GPRC5B: variants seen among roughly 807,000 people sequenced by gnomAD.
The protein encoded by GPRC5B is G protein-coupled receptor family C group 5 member B.
In GPRC5B, 16 loss-of-function variants were observed where a neutral mutation model predicts 30.1. That is an observed-to-expected ratio of 0.53 (90% CI 0.36 to 0.81). GPRC5B has a LOEUF of 0.81. GPRC5B is among the 30% of genes least tolerant of loss of function. The pLI is 0.01. For missense variants in GPRC5B, 428 were observed against 544.7 expected (o/e 0.79, Z 2.13); for synonymous variants, 241 against 239.5 (o/e 1.01, Z -0.06).
chr16:19,863,491 C>CTTTTT (rs10541805), intron 2 of GPRC5B, among the ~76,000 whole-genome samples: 11 of 82,274 alleles, frequency 1.3e-4, no homozygotes, highest in African/African-American at 5.0e-4. Context: ...AATCTGTGTT[C>CTTTTT]TTTTTTTTTT....
intron 2 of GPRC5B, among the ~76,000 whole-genome samples, chr16:19,871,294 A>AG (rs2056716569): frequency 6.7e-6 from 1 of 149,910 alleles, no homozygotes; most frequent in African/African-American, 2.5e-5. Context: ...AAAAAAAAAA[A>AG]AAAAAAGAAA....
chr16:19,870,436 T>C (rs1597627795), intron 2 of GPRC5B, among the ~76,000 whole-genome samples: 1 of 152,186 alleles, frequency 6.6e-6, no homozygotes, highest in African/African-American at 2.4e-5. Context: ...GTGTTCCTTC[T>C]CCTAACAGCT....
Position 19,884,743 on chromosome 16 carries a change from G to T in GPRC5B, c.-18C>A, listed in dbSNP as rs1281040612. 6.1e-6 allele frequency: 6 copies of T among 984,774 alleles called. No homozygotes were observed. The highest frequency in any genetic ancestry group is 7.2e-6 in the Non-Finnish European group (6 of 829,734). 61.0% of individuals were successfully genotyped at this position (984,774 alleles called of 1,614,324 possible). On this transcript the variant is annotated 5_prime_UTR_variant, in exon 1 of 4. Coordinates refer to ENST00000300571, the MANE Select transcript of GPRC5B (RefSeq NM_016235.3). ...CGCACTTACCGACCCCCGCGGCCCC[G>T]CAGCGCCGACGCTCCAGCTGGCCTT...
chr16:19,863,157 C>T (rs1004669648), intron 2 of GPRC5B, among the ~76,000 whole-genome samples: 6 of 150,554 alleles, frequency 4.0e-5, no homozygotes, highest in Admixed American at 4.0e-4. Flanking sequence ...TTTCATCGCA[C>T]GATAGCTACT....
rs1015175845 is a variant in GPRC5B at position 19,859,918 on chromosome 16, G to A, written c.*582C>T. ...TCCCTCCACCTCTACTGGCTATAAA[G>A]CTCACCCCACGATTCAGTTGGGCCT... On this transcript the variant is annotated 3_prime_UTR_variant, in exon 4 of 4. Coordinates refer to ENST00000300571, the MANE Select transcript of GPRC5B (RefSeq NM_016235.3). 1 of 153,088 alleles carries A rather than the reference G, an allele frequency of 6.5e-6. No homozygotes were observed. The highest frequency in any genetic ancestry group is 1.5e-5 in the Non-Finnish European group (1 of 68,424). 9.5% of individuals were successfully genotyped at this position (153,088 alleles called of 1,614,324 possible).
Position 19,872,991 on chromosome 16 carries a change from G to T in GPRC5B, c.-1-145C>A. On this transcript the variant is annotated intron_variant, in intron 1 of 3. Transcript: ENST00000300571. The surrounding 1 kb of genome is among the most constrained non-coding windows in gnomAD (Gnocchi z 5.0). Reference sequence around the variant, plus strand: ...CACCTTTGCACACATAGGAAAACGTGCTCCTTTCCTCAGGCACGGAGGTTT... The same window carrying T: ...CACCTTTGCACACATAGGAAAACGTTCTCCTTTCCTCAGGCACGGAGGTTT... 1 of 632,982 alleles carries T rather than the reference G, an allele frequency of 1.6e-6. No individual in the cohort carries two copies. The highest frequency in any genetic ancestry group is 2.8e-6 in the Non-Finnish European group (1 of 363,512). 39.2% of individuals were successfully genotyped at this position (632,982 alleles called of 1,614,324 possible).
At chr16:19,871,730 C>T (rs1055742128) in intron 2 of GPRC5B, 86 bp downstream of exon 2, 37 of 1,231,432 alleles carry the variant, frequency 3.0e-5, no homozygotes, top group South Asian at 5.4e-5. Flanking sequence ...GTACTGGGAC[C>T]GCCCATCCCC....
intron 2 of GPRC5B, among the ~76,000 whole-genome samples, chr16:19,867,100 G>T (rs893948864): frequency 2.6e-5 from 4 of 152,190 alleles, no homozygotes; most frequent in African/African-American, 9.7e-5. Flanking sequence ...ACATCCCCGG[G>T]CTCAGTTTTC....
chr16:19,864,867 C>T (rs1243862951), intron 2 of GPRC5B, among the ~76,000 whole-genome samples: 1 of 149,964 alleles, frequency 6.7e-6, no homozygotes, highest in Non-Finnish European at 1.5e-5. Flanking sequence ...GCCATCTAGC[C>T]AGGACTCCAA....
intron 2 of GPRC5B, among the ~76,000 whole-genome samples, chr16:19,867,260 C>T (rs534711693): frequency 2.6e-5 from 4 of 152,332 alleles, no homozygotes; most frequent in African/African-American, 9.6e-5. Context: ...CTGGAGCTAT[C>T]CCGCCTGGGT....
At chr16:19,884,982 C>G, upstream of GPRC5B, 3 of 687,562 alleles carry the variant, frequency 4.4e-6, no homozygotes, top group Non-Finnish European at 5.4e-6. Flanking sequence ...CCGGTCCCGC[C>G]GGCGGTTCCG....
upstream of GPRC5B, chr16:19,884,875 G>GCGC (rs2056838640): frequency 4.1e-6 from 4 of 980,774 alleles, no homozygotes; most frequent in South Asian, 1.9e-4. Context: ...GCCGCGCGAG[G>GCGC]CGCCCCCTGG....
chr16:19,875,119 G>A (rs924017342), intron 1 of GPRC5B, among the ~76,000 whole-genome samples: 1 of 152,180 alleles, frequency 6.6e-6, no homozygotes, highest in African/African-American at 2.4e-5. Flanking sequence ...ATCCTGCCCT[G>A]GCTGTGAGGC....
upstream of GPRC5B, chr16:19,884,940 C>T (rs564636861): frequency 7.7e-6 from 7 of 913,472 alleles, no homozygotes; most frequent in African/African-American, 1.8e-5. Flanking sequence ...CGCCCCCGGC[C>T]GGCCCCGCCC....
chr16:19,885,470 G>A (rs2056842874), upstream of GPRC5B: 3 of 1,137,140 alleles, frequency 2.6e-6, no homozygotes, highest in Non-Finnish European at 2.2e-6. The surrounding 1 kb of genome is among the most constrained non-coding windows in gnomAD (Gnocchi z 5.3). Context: ...CCCAGATGTC[G>A]TTGTCCGTTT....
At chr16:19,881,184 T>C (rs2056804330) in intron 1 of GPRC5B, among the ~76,000 whole-genome samples, 1 of 152,198 alleles carries the variant, frequency 6.6e-6, no homozygotes, top group Admixed American at 6.5e-5. Context: ...TATATGACAC[T>C]GGGCATTACT....
At position 19,872,352 on chromosome 16, in the gene GPRC5B, A is replaced by G; in HGVS notation, c.494T>C (p.Leu165Pro). Residue 165 changes from leucine to proline, a missense_variant, in exon 2 of 4, where the codon CTG becomes CCG. Transcript: ENST00000300571. The surrounding 1 kb of genome is among the most constrained non-coding windows in gnomAD (Gnocchi z 5.0). Reference sequence around the variant, plus strand: ...TTGCACCAGCATCAGGCACAGCGCCAGGCCCACCAGCTGCCAGCCCGCGGG... The same window carrying G: ...TTGCACCAGCATCAGGCACAGCGCCGGGCCCACCAGCTGCCAGCCCGCGGG... ...TGPAGWQLVG[L>P]ALCLMLVQVI... 1.9e-6 allele frequency: 3 copies of G among 1,613,824 alleles called. No homozygotes were observed. The highest frequency in any genetic ancestry group is 2.5e-6 in the Non-Finnish European group (3 of 1,179,908).
Position 19,872,594 on chromosome 16 carries a change from G to A in GPRC5B, c.252C>T (p.Ile84=). Residue 84 remains isoleucine, a synonymous_variant, in exon 2 of 4, where the codon ATC becomes ATT. Coordinates refer to ENST00000300571, the MANE Select transcript of GPRC5B (RefSeq NM_016235.3). This position sits in a 1 kb window ranked among gnomAD's most constrained non-coding sequence, Gnocchi z 5.0. The part of the protein sequence containing the change: ...MLILLVRLPF[I]KEKEKKSPVG... Reference sequence around the variant, plus strand: ...CAGGGCTCTTCTTCTCCTTCTCCTTGATGAAGGGCAGCCGCACCAGGAGGA... The same window carrying A: ...CAGGGCTCTTCTTCTCCTTCTCCTTAATGAAGGGCAGCCGCACCAGGAGGA... 1 of 1,614,148 alleles carries A rather than the reference G, an allele frequency of 6.2e-7. No homozygotes were observed. Among genetic ancestry groups the A allele is most frequent in the Non-Finnish European group, 8.5e-7 (1 of 1,179,974 alleles).
upstream of GPRC5B, chr16:19,884,920 C>A: frequency 1.1e-6 from 1 of 930,770 alleles, no homozygotes; most frequent in Non-Finnish European, 1.3e-6. Flanking sequence ...CGCGGCCCCG[C>A]CCCCGCCCCC....
Sources: gnomAD v4.1 joint callset for allele counts (sites outside exome capture counted in the v4.1 genomes callset) on GRCh38, gnomAD v4.1.1 for gene constraint, Gnocchi (gnomAD v3.1) non-coding constraint, MANE v1.5 for transcripts, NCBI Gene and HGNC (gene_info 2026-07-23, HGNC 2026-07-21) for gene names.